PPP1R9A: variants seen among roughly 807,000 people sequenced by gnomAD.
PPP1R9A encodes the protein protein phosphatase 1 regulatory subunit 9A, also known as neurabin-1.
PPP1R9A carries 59 observed loss-of-function variants against 141.9 expected under a neutral mutation model. The ratio of observed to expected loss-of-function variants is 0.42; its 90% CI spans 0.34 to 0.52. The LOEUF is 0.52. Ranked by LOEUF, PPP1R9A falls within the 20% of genes least tolerant of loss-of-function variation. The probability of loss-of-function intolerance (pLI) is 0.10; values close to 1 mark genes in which losing one functional copy is unlikely to be tolerated. For missense variants in PPP1R9A, 1,444 were observed against 1,611.9 expected, an observed-to-expected ratio of 0.90 and a Z score of 1.78; for synonymous variants, 500 against 569.7, an observed-to-expected ratio of 0.88 and a Z score of 1.74.
At chr7:95,221,248 A>T (rs772175826) in intron 7 of PPP1R9A, among the ~76,000 whole-genome samples, 1 of 152,144 alleles carries the variant, frequency 6.6e-6, no homozygotes, top group African/African-American at 2.4e-5. Flanking sequence ...ACTTAATCTT[A>T]TGACAGCTTT....
intron 5 of PPP1R9A, among the ~76,000 whole-genome samples, chr7:95,185,124 T>A (rs897048308): frequency 6.6e-6 from 1 of 152,002 alleles, no homozygotes; most frequent in African/African-American, 2.4e-5. Flanking sequence ...TTTTCCATTG[T>A]GGTTATACTA....
intron 10 of PPP1R9A, among the ~76,000 whole-genome samples, chr7:95,250,468 G>A (rs892756179): frequency 5.3e-5 from 8 of 152,048 alleles, no homozygotes; most frequent in African/African-American, 1.7e-4. Context: ...TATAGTTTTT[G>A]GCTGCCAGGG....
chr7:95,198,888 A>G (rs1473479382), intron 6 of PPP1R9A, among the ~76,000 whole-genome samples: 1 of 152,216 alleles, frequency 6.6e-6, no homozygotes, highest in African/African-American at 2.4e-5. Context: ...AAAAATCAGT[A>G]AACACACCCA....
intron 2 of PPP1R9A, among the ~76,000 whole-genome samples, chr7:95,072,774 A>AT (rs1563196928): frequency 1.9e-5 from 2 of 104,798 alleles, no homozygotes; most frequent in African/African-American, 4.0e-5. Flanking sequence ...ATATATATTA[A>AT]ATATATATAT....
chr7:94,953,869 T>A (rs1230867800), intron 2 of PPP1R9A, among the ~76,000 whole-genome samples: 1 of 152,160 alleles, frequency 6.6e-6, no homozygotes, highest in Non-Finnish European at 1.5e-5. Flanking sequence ...GCTGAGACGA[T>A]GGGGTTTTCT....
chr7:95,031,341 A>G (rs1807654180), intron 2 of PPP1R9A, among the ~76,000 whole-genome samples: 1 of 152,196 alleles, frequency 6.6e-6, no homozygotes, highest in Admixed American at 6.5e-5. Context: ...AAGTAAAAAT[A>G]TAAGTTCTGG....
chr7:95,152,820 A>G (rs570553327), intron 4 of PPP1R9A, among the ~76,000 whole-genome samples: 10 of 148,602 alleles, frequency 6.7e-5, no homozygotes, highest in Non-Finnish European at 1.2e-4. Flanking sequence ...AGGAAATATC[A>G]TTCTCTACAG....
At chr7:95,211,143 TA>T (rs58991785) in intron 7 of PPP1R9A, among the ~76,000 whole-genome samples, 58,660 of 141,950 alleles carry the variant, frequency 0.41, 11,904 homozygotes, top group South Asian at 0.53. Context: ...ACTTAAAGTA[TA>T]AAAAAAAAAA....
intron 2 of PPP1R9A, among the ~76,000 whole-genome samples, chr7:95,092,137 A>G (rs11977359): frequency 0.015 from 2,251 of 152,254 alleles, 46 homozygotes; most frequent in African/African-American, 0.051. Context: ...ACGCCATTCA[A>G]GTCTGCTATT....
At chr7:94,926,710 T>G (rs547047228) in intron 2 of PPP1R9A, among the ~76,000 whole-genome samples, 6 of 152,196 alleles carry the variant, frequency 3.9e-5, no homozygotes, top group Non-Finnish European at 1.5e-5. Flanking sequence ...ATTACTTTTT[T>G]GGGGTCATTT....
At chr7:95,167,580 T>C (rs2152736861) in intron 5 of PPP1R9A, among the ~76,000 whole-genome samples, 1 of 152,168 alleles carries the variant, frequency 6.6e-6, no homozygotes, top group Admixed American at 6.6e-5. Context: ...ATAAAAGGCA[T>C]CTGAATAAGA....
intron 5 of PPP1R9A, among the ~76,000 whole-genome samples, chr7:95,180,498 A>T (rs975904142): frequency 1.3e-5 from 2 of 152,200 alleles, no homozygotes; most frequent in African/African-American, 4.8e-5. Context: ...ACCCAAAAGC[A>T]AATGCAATAA....
intron 2 of PPP1R9A, among the ~76,000 whole-genome samples, chr7:94,972,939 T>A (rs1173004374): frequency 2.0e-5 from 3 of 152,202 alleles, no homozygotes; most frequent in Non-Finnish European, 4.4e-5. Flanking sequence ...TCATGTTCTT[T>A]CCATTCCATA....
At position 94,909,996 on chromosome 7, in the gene PPP1R9A, A is replaced by G; in HGVS notation, c.-118A>G. The stretch of plus-strand genomic sequence containing the variant: ...GTTGGGACGATCACTGACACCGTAT[A>G]CCATTTGAGAGGTACTTTTCTTGAC... On this transcript the variant is annotated 5_prime_UTR_variant, in exon 2 of 20. In the 5' UTR this introduces an upstream ATG that the reference lacks. Transcript: ENST00000433360. 1.2e-6 allele frequency: 1 copy of G among 808,558 alleles called. No individual in the cohort carries two copies. The highest frequency in any genetic ancestry group is 2.0e-6 in the Non-Finnish European group (1 of 508,768). The allele number at this position is 808,558 out of a possible 1,614,324, so 50.1% of individuals were successfully genotyped here. A position where few individuals can be genotyped will look rare whatever the true frequency, so the allele number is the denominator to read the frequency against.
intron 8 of PPP1R9A, among the ~76,000 whole-genome samples, chr7:95,226,713 C>CT (rs1157470348): frequency 6.6e-6 from 1 of 152,150 alleles, no homozygotes; most frequent in Non-Finnish European, 1.5e-5. Flanking sequence ...CCTGACTCTG[C>CT]TTTCCTTTTC....
intron 2 of PPP1R9A, among the ~76,000 whole-genome samples, chr7:95,082,939 A>G (rs1251274031): frequency 2.0e-5 from 3 of 151,012 alleles, no homozygotes; most frequent in African/African-American, 7.3e-5. Context: ...GTATTTTTAG[A>G]AGAGACGGGG....
At chr7:95,162,924 G>A (rs1159882778) in intron 5 of PPP1R9A, among the ~76,000 whole-genome samples, 4 of 152,116 alleles carry the variant, frequency 2.6e-5, no homozygotes, top group South Asian at 2.1e-4. Context: ...TTCTGTGGGC[G>A]CTATGTTGAT....
At chr7:94,908,167 G>C (rs537420830) in intron 1 of PPP1R9A, 115 of 150,728 alleles carry the variant, frequency 7.6e-4, no homozygotes, top group African/African-American at 2.7e-3. Context: ...CGCGGGGCGA[G>C]GAGTTGGGGA....
At chr7:95,048,170 G>T (rs994665578) in intron 2 of PPP1R9A, among the ~76,000 whole-genome samples, 7 of 152,054 alleles carry the variant, frequency 4.6e-5, no homozygotes, top group Non-Finnish European at 1.0e-4. Flanking sequence ...TTTATTTCTT[G>T]TTCACTAGGA....
Sources: allele counts gnomAD v4.1 joint callset (sites outside exome capture counted in the v4.1 genomes callset), GRCh38; gene constraint gnomAD v4.1.1; transcripts MANE v1.5; gene names NCBI Gene and HGNC (gene_info 2026-07-23, HGNC 2026-07-21).